The following RCAN2 variants were observed in gnomAD, a reference collection of about 807,000 sequenced individuals.
The protein encoded by RCAN2 is regulator of calcineurin 2.
Under a neutral mutation model 23.6 loss-of-function variants are expected in RCAN2, and 9 were observed. The ratio of observed to expected loss-of-function variants is 0.38; its 90% CI spans 0.23 to 0.67. The LOEUF (loss-of-function observed/expected upper bound fraction) is 0.67. Ranked by LOEUF, RCAN2 falls within the 30% of genes least tolerant of loss-of-function variation. RCAN2 has a pLI of 0.51. For missense variants in RCAN2, 273 were observed against 302.3 expected, an observed-to-expected ratio of 0.90 and a Z score of 0.72; for synonymous variants, 109 against 115.7, an observed-to-expected ratio of 0.94 and a Z score of 0.37.
At chr6:46,358,575 G>A (rs1764909141) in intron 2 of RCAN2, among the ~76,000 whole-genome samples, 1 of 152,198 alleles carries the variant, frequency 6.6e-6, no homozygotes, top group African/African-American at 2.4e-5. Context: ...TAAAGTGAGA[G>A]CGCTACACTT....
rs532644696 is a variant in RCAN2, at chr6:46,435,480, C to G, written c.225+21272G>C. ...AACCATATTCAGATTTTAAAGGGCT[C>G]TGTTCTCATTTACCTTCTCTTTCCC... On this transcript the variant is annotated intron_variant, in intron 2 of 4. Coordinates refer to ENST00000371374, the MANE Select transcript of RCAN2 (RefSeq NM_001251974.2). Among the ~76,000 whole-genome samples the G allele has an allele frequency of 2.6e-5, 4 of 152,332 alleles. No homozygotes were observed. The South Asian group carries it at 8.3e-4, about 32-fold the overall frequency.
intron 2 of RCAN2, among the ~76,000 whole-genome samples, chr6:46,272,312 C>A (rs923035112): frequency 7.9e-5 from 12 of 152,332 alleles, no homozygotes; most frequent in Middle Eastern, 3.4e-3. Flanking sequence ...CTTCTACCTG[C>A]CCCTCACCTT....
At chr6:46,232,129 T>C (rs146397826) in intron 4 of RCAN2, among the ~76,000 whole-genome samples, 1,749 of 152,344 alleles carry the variant, frequency 0.011, 39 homozygotes, top group African/African-American at 0.039. Context: ...AGGAAGGAGA[T>C]GACTGCCTGA....
chr6:46,253,197 T>C (rs1442190693), intron 2 of RCAN2, among the ~76,000 whole-genome samples: 1 of 152,236 alleles, frequency 6.6e-6, no homozygotes, highest in African/African-American at 2.4e-5. Context: ...TTTTAATCTA[T>C]CTACCATCTA....
At chr6:46,416,675 C>A (rs2150410304) in intron 2 of RCAN2, among the ~76,000 whole-genome samples, 1 of 152,010 alleles carries the variant, frequency 6.6e-6, no homozygotes, top group Admixed American at 6.6e-5. Context: ...ACATGTACCA[C>A]CATCCCCAGC....
intron 2 of RCAN2, among the ~76,000 whole-genome samples, chr6:46,370,387 C>G (rs1427299960): frequency 1.3e-5 from 2 of 152,198 alleles, no homozygotes; most frequent in African/African-American, 2.4e-5. Flanking sequence ...GTGTCTTGCT[C>G]TGTGTCCCAG....
chr6:46,358,866 A>T (rs1582138782), intron 2 of RCAN2, among the ~76,000 whole-genome samples: 1 of 152,252 alleles, frequency 6.6e-6, no homozygotes, highest in East Asian at 1.9e-4. Flanking sequence ...GGACCTAAGC[A>T]TTGGTGTCGT....
chr6:46,290,027 G>A (rs956012130), intron 2 of RCAN2, among the ~76,000 whole-genome samples: 5 of 152,242 alleles, frequency 3.3e-5, no homozygotes, highest in African/African-American at 1.2e-4. Context: ...ACCCGCAAGT[G>A]GGACCAAGTA....
At chr6:46,468,261 T>C (rs190140397) in intron 1 of RCAN2, among the ~76,000 whole-genome samples, 1 of 152,224 alleles carries the variant, frequency 6.6e-6, no homozygotes, top group Non-Finnish European at 1.5e-5. Flanking sequence ...GAGTTTAGGA[T>C]AAGAATATGG....
intron 2 of RCAN2, among the ~76,000 whole-genome samples, chr6:46,364,114 C>A (rs1765096929): frequency 1.3e-5 from 2 of 152,182 alleles, no homozygotes; most frequent in Non-Finnish European, 1.5e-5. Flanking sequence ...TTCACTAAGA[C>A]ACCCAATCAT....
At chr6:46,456,637 G>C (rs1183081152) in intron 2 of RCAN2, 115 bp downstream of exon 2, 8 of 724,136 alleles carry the variant, frequency 1.1e-5, no homozygotes, top group Non-Finnish European at 1.9e-5. Context: ...GCCAAAAATA[G>C]AGCCAACTAA....
chr6:46,299,199 C>A (rs907249948), intron 2 of RCAN2, among the ~76,000 whole-genome samples: 7 of 152,074 alleles, frequency 4.6e-5, no homozygotes, highest in Admixed American at 1.3e-4. Flanking sequence ...CGTAACAAAC[C>A]TGCATGTATA....
intron 2 of RCAN2, among the ~76,000 whole-genome samples, chr6:46,430,781 G>A (rs1326044978): frequency 6.6e-6 from 1 of 152,152 alleles, no homozygotes; most frequent in Non-Finnish European, 1.5e-5. Flanking sequence ...CCCAGCACAT[G>A]TGTATCAAGA....
At chr6:46,433,471 C>A (rs552513829) in intron 2 of RCAN2, among the ~76,000 whole-genome samples, 3 of 152,102 alleles carry the variant, frequency 2.0e-5, no homozygotes, top group Non-Finnish European at 4.4e-5. Flanking sequence ...TCTGGATTAT[C>A]CAGGTGTAAC....
chr6:46,387,853 C>G (rs1765801889), intron 2 of RCAN2, among the ~76,000 whole-genome samples: 1 of 152,078 alleles, frequency 6.6e-6, no homozygotes, highest in African/African-American at 2.4e-5. Context: ...GGAACCAACC[C>G]AAATGTCCAT....
chr6:46,362,582 C>T (rs1037905981), intron 2 of RCAN2, among the ~76,000 whole-genome samples: 1 of 152,084 alleles, frequency 6.6e-6, no homozygotes, highest in African/African-American at 2.4e-5. Context: ...CATTACACTA[C>T]AAAACTGATT....
rs956736140 is a variant in RCAN2 at position 46,307,886 on chromosome 6, C to T, written c.226-58990G>A. Reference sequence around the variant, plus strand: ...GGTGGCCCGCCTGTGGTTTCAGAGGCTTTGTTCAAGCAAGTTGGAAGAAGG... The same window carrying T: ...GGTGGCCCGCCTGTGGTTTCAGAGGTTTTGTTCAAGCAAGTTGGAAGAAGG... On this transcript the variant is annotated intron_variant, in intron 2 of 4. Coordinates refer to ENST00000371374, the MANE Select transcript of RCAN2 (RefSeq NM_001251974.2). Among the ~76,000 whole-genome samples the T allele has an allele frequency of 5.9e-5, 9 of 152,188 alleles. No individual in the cohort carries two copies. The East Asian group carries it at 1.7e-3, about 29-fold the overall frequency.
chr6:46,230,432 A>T (rs947070586), intron 4 of RCAN2, among the ~76,000 whole-genome samples: 1 of 152,092 alleles, frequency 6.6e-6, no homozygotes, highest in East Asian at 1.9e-4. Context: ...ACCCAGTTTG[A>T]GCTTCCTGGC....
intron 2 of RCAN2, among the ~76,000 whole-genome samples, chr6:46,293,664 T>C (rs1041076109): frequency 1.3e-5 from 2 of 152,158 alleles, no homozygotes; most frequent in Non-Finnish European, 2.9e-5. Flanking sequence ...CATTAGGCCC[T>C]GGGGAAGCAG....
Sources: gnomAD v4.1 joint callset for allele counts (sites outside exome capture counted in the v4.1 genomes callset) on GRCh38, gnomAD v4.1.1 for gene constraint, MANE v1.5 for transcripts, NCBI Gene and HGNC (gene_info 2026-07-23, HGNC 2026-07-21) for gene names.